Variants in SEMA6D observed in about 807,000 individuals in gnomAD.
SEMA6D encodes semaphorin-6D.
A neutral mutation model predicts 106.6 loss-of-function variants in SEMA6D; 35 were observed. The observed-to-expected ratio is 0.33, with a 90% CI of 0.25 to 0.44. The LOEUF is 0.44. Among genes scored for constraint, SEMA6D ranks in the 20% least tolerant of loss-of-function variants. The pLI is 1.00. For synonymous variants in SEMA6D, 499 were observed against 487.7 expected (o/e 1.02, Z -0.31); for missense variants, 1,185 against 1,345.9 (o/e 0.88, Z 1.87).
At chr15:47,569,991 G>A (rs1437491744) in intron 3 of SEMA6D, among the ~76,000 whole-genome samples, 2 of 151,570 alleles carry the variant, frequency 1.3e-5, no homozygotes, top group Non-Finnish European at 2.9e-5. Context: ...AACCTGGGAG[G>A]CAGAGATTGC....
rs564034484 is a variant in SEMA6D at position 47,397,148 on chromosome 15, C to T, written c.-238-15245C>T. On this transcript the variant is annotated intron_variant, in intron 1 of 19. Coordinates refer to the SEMA6D transcript ENST00000558014. Reference sequence around the variant, plus strand: ...CTGAGGAAGGAATGGGGGAAATGGCCGGCTCTGATTTGGATACAGTTTAGA... The same window carrying T: ...CTGAGGAAGGAATGGGGGAAATGGCTGGCTCTGATTTGGATACAGTTTAGA... 3.9e-5 allele frequency among the ~76,000 whole-genome samples: 6 copies of T among 152,208 alleles called. No homozygotes were observed. In the South Asian group the frequency reaches 8.3e-4, roughly 21 times the overall value.
intron 1 of SEMA6D, among the ~76,000 whole-genome samples, chr15:47,315,706 A>G (rs1158519137): frequency 6.6e-6 from 1 of 152,218 alleles, no homozygotes; most frequent in Non-Finnish European, 1.5e-5. Flanking sequence ...CATCTTGATA[A>G]TACTGAGTCT....
At chr15:47,666,561 G>C (rs1285655522) in intron 4 of SEMA6D, among the ~76,000 whole-genome samples, 1 of 152,128 alleles carries the variant, frequency 6.6e-6, no homozygotes, top group Non-Finnish European at 1.5e-5. Flanking sequence ...GCTGTGTAGG[G>C]GGAGCAAGAC....
intron 4 of SEMA6D, among the ~76,000 whole-genome samples, chr15:47,698,274 G>A (rs925953536): frequency 2.0e-5 from 3 of 152,136 alleles, no homozygotes; most frequent in Non-Finnish European, 4.4e-5. Context: ...CCACTCTATG[G>A]AAGTAAGTAA....
intron 3 of SEMA6D, among the ~76,000 whole-genome samples, chr15:47,597,701 C>T (rs1057086251): frequency 1.3e-5 from 2 of 151,542 alleles, no homozygotes; most frequent in African/African-American, 4.8e-5. Flanking sequence ...TTAGTGATTA[C>T]CAGAGGCTGG....
intron 2 of SEMA6D, among the ~76,000 whole-genome samples, chr15:47,447,525 T>C (rs1196324961): frequency 6.6e-6 from 1 of 152,122 alleles, no homozygotes; most frequent in Non-Finnish European, 1.5e-5. Flanking sequence ...TCCATCCTCC[T>C]GGGGGGTGGC....
intron 1 of SEMA6D, among the ~76,000 whole-genome samples, chr15:47,297,233 G>T (rs551619094): frequency 4.6e-5 from 7 of 152,096 alleles, no homozygotes; most frequent in Non-Finnish European, 1.0e-4. Context: ...GGCCCTAAAG[G>T]CATAAAACAT....
At chr15:47,399,667 TG>T (rs1386531579) in intron 1 of SEMA6D, 3 of 152,210 alleles carry the variant, frequency 2.0e-5, no homozygotes, top group African/African-American at 7.2e-5. Flanking sequence ...TGTCTTATGC[TG>T]GGGAACATGT....
At chr15:47,265,954 G>C (rs1428982529) in intron 1 of SEMA6D, among the ~76,000 whole-genome samples, 1 of 152,154 alleles carries the variant, frequency 6.6e-6, no homozygotes, top group South Asian at 2.1e-4. Flanking sequence ...TCTTAAACAC[G>C]CTTAGTCTTG....
intron 3 of SEMA6D, among the ~76,000 whole-genome samples, chr15:47,494,012 A>G (rs2043554158): frequency 6.6e-6 from 1 of 152,186 alleles, no homozygotes; most frequent in African/African-American, 2.4e-5. Context: ...AGCCAGAATG[A>G]TATTATGCAT....
At chr15:47,699,317 C>T (rs1295201681) in intron 4 of SEMA6D, among the ~76,000 whole-genome samples, 2 of 152,098 alleles carry the variant, frequency 1.3e-5, no homozygotes, top group African/African-American at 2.4e-5. Flanking sequence ...AAGTACTTTG[C>T]CCTTGCTATT....
At chr15:47,503,798 A>G (rs1257185935) in intron 3 of SEMA6D, among the ~76,000 whole-genome samples, 1 of 151,946 alleles carries the variant, frequency 6.6e-6, no homozygotes, top group East Asian at 1.9e-4. Context: ...TTTTCCTTCC[A>G]TTTCTTCCCA....
At chr15:47,300,377 TTAAAACACGTATTGAG>T (rs2035973204) in intron 1 of SEMA6D, among the ~76,000 whole-genome samples, 1 of 152,036 alleles carries the variant, frequency 6.6e-6, no homozygotes, top group South Asian at 2.1e-4. Context: ...TGCAGTCAAG[TTAAAACACGTATTGAG>T]TGCCTGTTAT....
chr15:47,631,422 C>A (rs563799028), intron 4 of SEMA6D, among the ~76,000 whole-genome samples: 1 of 151,486 alleles, frequency 6.6e-6, no homozygotes, highest in South Asian at 2.1e-4. Context: ...CCAAAGATAT[C>A]CCTGGAAATC....
At chr15:47,625,563 A>G (rs886480878) in intron 4 of SEMA6D, among the ~76,000 whole-genome samples, 1 of 152,034 alleles carries the variant, frequency 6.6e-6, no homozygotes, top group African/African-American at 2.4e-5. Flanking sequence ...CGTCTCTACA[A>G]AAATAAAAAT....
At position 47,543,552 on chromosome 15, in the gene SEMA6D, T is replaced by TA. The variant is rs2045423218; in HGVS notation, c.-86-57312dup. 2.0e-5 allele frequency among the ~76,000 whole-genome samples: 3 copies of TA among 152,128 alleles called. No homozygotes were observed. In the East Asian group the frequency reaches 5.8e-4, roughly 29 times the overall value. On this transcript the variant is annotated intron_variant, in intron 3 of 19. Transcript: ENST00000558014. ...TCCTTTATAAATTCCCAGTCTCAGGTATGTCTTTATTAGCAGCATGACAAC... is the reference window on the plus strand; with the variant it reads ...TCCTTTATAAATTCCCAGTCTCAGGTAATGTCTTTATTAGCAGCATGACAAC...
At chr15:47,412,873 T>G (rs931087471) in intron 2 of SEMA6D, among the ~76,000 whole-genome samples, 7 of 152,192 alleles carry the variant, frequency 4.6e-5, no homozygotes, top group Admixed American at 3.3e-4. Context: ...AGTCATACCC[T>G]TAACATGGGT....
chr15:47,585,834 G>A (rs143149986), intron 3 of SEMA6D, among the ~76,000 whole-genome samples: 41 of 152,244 alleles, frequency 2.7e-4, no homozygotes, highest in African/African-American at 8.4e-4. Flanking sequence ...GCCAAAGCTC[G>A]AGTTGAGAAA....
chr15:47,380,415 C>G (rs1163747336), intron 1 of SEMA6D: 3 of 152,226 alleles, frequency 2.0e-5, no homozygotes, highest in Non-Finnish European at 4.4e-5. Flanking sequence ...ATCTTCTACT[C>G]TGGCTTTTAT....
Sources: allele counts gnomAD v4.1 joint callset (sites outside exome capture counted in the v4.1 genomes callset), GRCh38; gene constraint gnomAD v4.1.1; transcripts MANE v1.5; gene names NCBI Gene and HGNC (gene_info 2026-07-23, HGNC 2026-07-21).